Variants in HLCS observed in about 807,000 individuals in gnomAD.
HLCS encodes biotin--protein ligase.
A neutral mutation model predicts 75.0 loss-of-function variants in HLCS; 53 were observed. That is an observed-to-expected ratio of 0.71 (90% confidence interval 0.57 to 0.89). The LOEUF (loss-of-function observed/expected upper bound fraction) is 0.89, where lower values mean the gene tolerates loss of function less well. HLCS is among the 40% of genes least tolerant of loss of function. The pLI is 0.00. For missense variants in HLCS, 966 were observed against 1,074.0 expected (o/e 0.90, Z 1.41); for synonymous variants, 431 against 428.6 (o/e 1.01, Z -0.07).
rs187314464 is a variant in HLCS, at chr21:36,840,305, A to T, written c.1892+56555T>A. On this transcript the variant is annotated intron_variant, in intron 6 of 10. Transcript: ENST00000674895. ...GGTGAATATTTAAAAAAATTTTTTT[A>T]AAATAATAATTCAGTCTACCTTTAG... Among the ~76,000 whole-genome samples, 1,204 of 152,314 alleles carry T rather than the reference A, an allele frequency of 7.9e-3. 22 individuals are homozygous for T. The highest frequency in any genetic ancestry group is 0.025 in the African/African-American group (1,043 of 41,570).
chr21:36,922,085 G>A (rs897704648), intron 5 of HLCS, among the ~76,000 whole-genome samples: 4 of 151,866 alleles, frequency 2.6e-5, no homozygotes, highest in African/African-American at 2.4e-5. Flanking sequence ...TAAAAGTATC[G>A]ATTAAAAGAC....
intron 6 of HLCS, among the ~76,000 whole-genome samples, chr21:36,786,278 T>C (rs2060684102): frequency 6.8e-6 from 1 of 148,138 alleles, no homozygotes; most frequent in Non-Finnish European, 1.5e-5. Context: ...GCTTTTCTAT[T>C]TAAGCTTTTT....
At position 36,836,113 on chromosome 21, in the gene HLCS, A is replaced by G. The variant is rs1160842856; in HGVS notation, c.1892+60747T>C. Among the ~76,000 whole-genome samples, 18 of 150,806 alleles carry G rather than the reference A, an allele frequency of 1.2e-4. 1 individual carries two copies. ...CTTGTATTCGTAGCAGAGTCCCACA[A>G]AAGTCCCCCGAGAAAATCTCCTAGT... On this transcript the variant is annotated intron_variant, in intron 6 of 10. Coordinates refer to ENST00000674895, the MANE Select transcript of HLCS (RefSeq NM_001352514.2).
rs149104163 is a variant in HLCS, at chr21:36,946,151, G to A, written c.331-7157C>T. The A allele has an allele frequency of 1.0e-3, 998 of 976,160 alleles. 8 individuals are homozygous for A. In the African/African-American group the frequency reaches 0.015, roughly 15 times the overall value. 60.5% of individuals were successfully genotyped at this position (976,160 alleles called of 1,614,324 possible). A position where few individuals can be genotyped will look rare whatever the true frequency, so the allele number is the denominator to read the frequency against. On this transcript the variant is annotated intron_variant, in intron 2 of 10. Coordinates refer to ENST00000674895, the MANE Select transcript of HLCS (RefSeq NM_001352514.2). ...ACATCATCCCTAGTGGGCAAAAACC[G>A]AACCTGGCAGGGAATGGGGAGGTGA...
At position 36,753,967 on chromosome 21, in the gene HLCS, A is replaced by G; in HGVS notation, c.*279T>C. 2.0e-6 allele frequency: 1 copy of G among 512,740 alleles called. No homozygotes were observed. Among genetic ancestry groups the G allele is most frequent in the Non-Finnish European group, 3.5e-6 (1 of 283,046 alleles). 31.8% of individuals were successfully genotyped at this position (512,740 alleles called of 1,614,324 possible). ...TTTCCATGTAAAAACTCCCCTTGACAATAAACGTAAGTCCAAGCCACAGAG... is the reference window on the plus strand; with the variant it reads ...TTTCCATGTAAAAACTCCCCTTGACGATAAACGTAAGTCCAAGCCACAGAG... On this transcript the variant is annotated 3_prime_UTR_variant, in exon 11 of 11. Transcript: ENST00000674895. The surrounding 1 kb of genome is among the most constrained non-coding windows in gnomAD (Gnocchi z 4.3).
chr21:36,940,819 T>C (rs1423491248), intron 2 of HLCS, among the ~76,000 whole-genome samples: 1 of 152,232 alleles, frequency 6.6e-6, no homozygotes, highest in Non-Finnish European at 1.5e-5. Context: ...GTAATCCCCA[T>C]GTGTCAAGGG....
chr21:36,876,129 G>T (rs771425553), intron 6 of HLCS, among the ~76,000 whole-genome samples: 1 of 152,060 alleles, frequency 6.6e-6, no homozygotes, highest in East Asian at 1.9e-4. Flanking sequence ...AAGCTTGCTC[G>T]TTCACAACCC....
chr21:36,989,265 C>A (rs1467424286), intron 1 of HLCS, among the ~76,000 whole-genome samples: 1 of 148,348 alleles, frequency 6.7e-6, no homozygotes, highest in Non-Finnish European at 1.5e-5. Flanking sequence ...CCCACCTAGG[C>A]CTCCCAGCGT....
intron 6 of HLCS, among the ~76,000 whole-genome samples, chr21:36,817,779 A>G (rs1301628989): frequency 1.3e-5 from 2 of 152,240 alleles, no homozygotes; most frequent in South Asian, 2.1e-4. Context: ...AGACGCTTTC[A>G]AAGTGCAATT....
At chr21:36,892,327 G>A (rs986540271) in intron 6 of HLCS, among the ~76,000 whole-genome samples, 9 of 152,182 alleles carry the variant, frequency 5.9e-5, no homozygotes, top group East Asian at 3.9e-4. Flanking sequence ...GAGAGTTCCC[G>A]GAGGGCAGAA....
intron 5 of HLCS, among the ~76,000 whole-genome samples, chr21:36,913,416 T>C (rs2065802914): frequency 6.6e-6 from 1 of 150,442 alleles, no homozygotes; most frequent in Admixed American, 6.6e-5. Flanking sequence ...GGGGGTGGGG[T>C]AGGAGGGAGA....
Position 36,936,571 on chromosome 21 carries a change from G to A in HLCS, c.1315C>T (p.Gln439Ter), listed in dbSNP as rs1259121807. Residue 439 changes from glutamine (Q) to a stop codon, truncating the protein, a stop_gained, in exon 4 of 11, where the codon CAG (glutamine) becomes TAG (stop). Transcript: ENST00000674895. LOFTEE classifies it high-confidence loss of function. ...LSVLSSGCRY[Q>*]EGPVRLSPGR... Reference sequence around the variant, plus strand: ...GGGCTGAGCCGGACGGGGCCTTCCTGGTACCTGCAGCCACTGCTCAAGACG... The same window carrying A: ...GGGCTGAGCCGGACGGGGCCTTCCTAGTACCTGCAGCCACTGCTCAAGACG... 2 of 1,614,056 alleles carry A rather than the reference G, an allele frequency of 1.2e-6. No homozygotes were observed. The highest frequency in any genetic ancestry group is 1.7e-6 in the Non-Finnish European group (2 of 1,180,036).
At chr21:36,803,262 C>T (rs1467163935) in intron 6 of HLCS, among the ~76,000 whole-genome samples, 1 of 152,238 alleles carries the variant, frequency 6.6e-6, no homozygotes, top group Non-Finnish European at 1.5e-5. Context: ...CAGCTGAGTC[C>T]ACTCCTGCAG....
chr21:36,985,848 A>G (rs990409526), intron 1 of HLCS, among the ~76,000 whole-genome samples: 15 of 152,032 alleles, frequency 9.9e-5, no homozygotes, highest in Admixed American at 1.3e-4. Flanking sequence ...CCTAAATCCA[A>G]TTCAGGTTAT....
At chr21:36,919,806 A>C (rs1035559573) in intron 5 of HLCS, among the ~76,000 whole-genome samples, 2 of 152,368 alleles carry the variant, frequency 1.3e-5, no homozygotes, top group East Asian at 1.9e-4. Flanking sequence ...AACTGTGAAG[A>C]TGTATCTATG....
intron 2 of HLCS, among the ~76,000 whole-genome samples, chr21:36,944,905 G>A (rs544590683): frequency 3.9e-5 from 6 of 152,166 alleles, no homozygotes; most frequent in South Asian, 4.2e-4. Context: ...GGTGGATCAC[G>A]AGGTCAGGAG....
chr21:36,763,597 C>G (rs997424927), intron 8 of HLCS, among the ~76,000 whole-genome samples: 1 of 152,198 alleles, frequency 6.6e-6, no homozygotes, highest in African/African-American at 2.4e-5. Flanking sequence ...GAAATGATGA[C>G]AGGACCTCCA....
intron 6 of HLCS, among the ~76,000 whole-genome samples, chr21:36,823,769 A>T (rs1236642495): frequency 6.6e-6 from 1 of 152,138 alleles, no homozygotes; most frequent in East Asian, 1.9e-4. Flanking sequence ...TGTATTTTGC[A>T]TTACCTAGAT....
intron 6 of HLCS, among the ~76,000 whole-genome samples, chr21:36,768,262 AT>A (rs1345995266): frequency 1.3e-5 from 2 of 152,084 alleles, no homozygotes; most frequent in Non-Finnish European, 2.9e-5. Context: ...CAGGACAGGG[AT>A]GCGGAAGGGA....
Sources: allele counts gnomAD v4.1 joint callset (sites outside exome capture counted in the v4.1 genomes callset), GRCh38; gene constraint gnomAD v4.1.1; non-coding constraint Gnocchi (gnomAD v3.1); transcripts MANE v1.5; gene names NCBI Gene and HGNC (gene_info 2026-07-23, HGNC 2026-07-21).